CAMKMT: variants seen among roughly 807,000 people sequenced by gnomAD.
CAMKMT encodes CaM KMT.
CAMKMT carries 53 observed loss-of-function variants against 48.0 expected under a neutral mutation model. That is an observed-to-expected ratio of 1.10 (90% CI 0.89 to 1.39). The LOEUF (loss-of-function observed/expected upper bound fraction) is 1.39. Among genes scored for constraint, CAMKMT ranks in the 40% most tolerant of loss-of-function variants. The pLI is 0.00. For missense variants in CAMKMT, 428 were observed against 402.7 expected (o/e 1.06, Z -0.54); for synonymous variants, 165 against 152.3 (o/e 1.08, Z -0.61).
chr2:44,439,451 T>C (rs2104558371), intron 3 of CAMKMT, among the ~76,000 whole-genome samples: 1 of 152,234 alleles, frequency 6.6e-6, no homozygotes, highest in South Asian at 2.1e-4. Flanking sequence ...GCCACCCACC[T>C]CCTCTTTTGA....
chr2:44,603,746 A>G (rs1458376980), intron 3 of CAMKMT, among the ~76,000 whole-genome samples: 1 of 152,200 alleles, frequency 6.6e-6, no homozygotes, highest in Admixed American at 6.5e-5. Flanking sequence ...TTTAAAATGT[A>G]TTCCCCTGCC....
intron 3 of CAMKMT, among the ~76,000 whole-genome samples, chr2:44,490,919 G>A (rs696596): frequency 0.65 from 98,707 of 151,956 alleles, 32,529 homozygotes; most frequent in Admixed American, 0.7. Context: ...GGAGTCCGAG[G>A]TGGGTGAATC....
intron 3 of CAMKMT, chr2:44,550,792 C>A (rs1297118467): frequency 6.6e-6 from 1 of 152,152 alleles, no homozygotes; most frequent in Non-Finnish European, 1.5e-5. Context: ...TACATTGTAT[C>A]ATACATTGAT....
At chr2:44,407,464 G>C (rs1282308947) in intron 3 of CAMKMT, among the ~76,000 whole-genome samples, 1 of 152,182 alleles carries the variant, frequency 6.6e-6, no homozygotes, top group Non-Finnish European at 1.5e-5. Flanking sequence ...CTTGGCATGA[G>C]TGGGTTTTCT....
At chr2:44,649,126 G>A (rs1673916311) in intron 3 of CAMKMT, among the ~76,000 whole-genome samples, 1 of 152,052 alleles carries the variant, frequency 6.6e-6, no homozygotes, top group South Asian at 2.1e-4. Flanking sequence ...TTTAACTGGG[G>A]GTATATTGAA....
intron 3 of CAMKMT, among the ~76,000 whole-genome samples, chr2:44,545,663 C>G (rs1667355684): frequency 1.4e-5 from 2 of 142,120 alleles, no homozygotes; most frequent in East Asian, 2.0e-4. Context: ...ATCCGGTGTT[C>G]TAACTTCTAG....
At chr2:44,754,213 C>T in intron 9 of CAMKMT, 95 bp downstream of exon 9, 1 of 930,024 alleles carries the variant, frequency 1.1e-6, no homozygotes, top group Non-Finnish European at 1.7e-6. Context: ...GGATTAATGT[C>T]ATGTAATACT....
rs59281575 is a variant in CAMKMT, at chr2:44,708,211, A to ATTTTTTTTTTTTT, written c.556+762_556+774dup. On this transcript the variant is annotated intron_variant, in intron 6 of 10. Coordinates refer to ENST00000378494, the MANE Select transcript of CAMKMT (RefSeq NM_024766.5). The stretch of plus-strand genomic sequence containing the variant: ...AAAGTGGCAGATATGTTTGCTTTGG[A>ATTTTTTTTTTTTT]TTTTTTTTTTTTTTTTTTTTTTTTT... Among the ~76,000 whole-genome samples the ATTTTTTTTTTTTT allele has an allele frequency of 5.3e-4, 36 of 68,190 alleles. 3 individuals are homozygous for ATTTTTTTTTTTTT. The highest frequency in any genetic ancestry group is 7.2e-4 in the South Asian group (1 of 1,394). 44.7% of individuals were successfully genotyped at this position (68,190 alleles called of 152,430 possible).
chr2:44,754,571 G>C (rs1004101708), intron 9 of CAMKMT, among the ~76,000 whole-genome samples: 1 of 151,956 alleles, frequency 6.6e-6, no homozygotes, highest in African/African-American at 2.4e-5. Flanking sequence ...TAAAGAAAAA[G>C]GACTTCAGAT....
At chr2:44,576,119 G>C (rs1019510584) in intron 3 of CAMKMT, among the ~76,000 whole-genome samples, 3 of 152,038 alleles carry the variant, frequency 2.0e-5, no homozygotes, top group African/African-American at 7.3e-5. Flanking sequence ...CTGAGGTCAG[G>C]AGTTCGAGAC....
At chr2:44,501,239 A>C (rs1310115292) in intron 3 of CAMKMT, among the ~76,000 whole-genome samples, 1 of 151,940 alleles carries the variant, frequency 6.6e-6, no homozygotes, top group African/African-American at 2.4e-5. Flanking sequence ...TCTTCAATTC[A>C]AGACTAATTC....
chr2:44,643,662 T>G (rs952061343), intron 3 of CAMKMT, among the ~76,000 whole-genome samples: 4 of 152,132 alleles, frequency 2.6e-5, no homozygotes, highest in African/African-American at 9.7e-5. Flanking sequence ...TTGAAAAAAT[T>G]GTAGAAATAT....
chr2:44,434,072 C>G (rs892706069), intron 3 of CAMKMT, among the ~76,000 whole-genome samples: 12 of 152,158 alleles, frequency 7.9e-5, no homozygotes, highest in Non-Finnish European at 1.5e-4. Flanking sequence ...AATAGTCCTC[C>G]TTTGTGTCCA....
At chr2:44,713,280 C>A (rs1391753239) in intron 6 of CAMKMT, among the ~76,000 whole-genome samples, 1 of 152,090 alleles carries the variant, frequency 6.6e-6, no homozygotes, top group African/African-American at 2.4e-5. Flanking sequence ...ATATGTTTTG[C>A]TTGATAGATT....
At chr2:44,734,561 T>A (rs540064337) in intron 7 of CAMKMT, among the ~76,000 whole-genome samples, 1 of 152,140 alleles carries the variant, frequency 6.6e-6, no homozygotes, top group Non-Finnish European at 1.5e-5. Context: ...ACTACAGGCA[T>A]GCACCACCAT....
At chr2:44,606,732 A>G (rs1007859296) in intron 3 of CAMKMT, among the ~76,000 whole-genome samples, 2 of 152,142 alleles carry the variant, frequency 1.3e-5, no homozygotes, top group Non-Finnish European at 2.9e-5. Context: ...CTTTCAGAAT[A>G]TAAACAAAGT....
At chr2:44,646,817 A>G (rs112983488) in intron 3 of CAMKMT, among the ~76,000 whole-genome samples, 4 of 152,270 alleles carry the variant, frequency 2.6e-5, no homozygotes, top group African/African-American at 9.6e-5. Flanking sequence ...CCAGGAAGGT[A>G]TATTAGTGCT....
At chr2:44,715,724 C>T (rs565894605) in intron 7 of CAMKMT, among the ~76,000 whole-genome samples, 2 of 152,192 alleles carry the variant, frequency 1.3e-5, no homozygotes, top group Non-Finnish European at 2.9e-5. Context: ...TTTGGCATTC[C>T]CTGGAGATAT....
intron 2 of CAMKMT, among the ~76,000 whole-genome samples, chr2:44,387,875 T>G (rs1312686361): frequency 6.6e-6 from 1 of 152,196 alleles, no homozygotes; most frequent in Non-Finnish European, 1.5e-5. Context: ...CCTTCCGCAT[T>G]GTAGGGTTTC....
Sources: gnomAD v4.1 joint callset for allele counts (sites outside exome capture counted in the v4.1 genomes callset) on GRCh38, gnomAD v4.1.1 for gene constraint, MANE v1.5 for transcripts, NCBI Gene and HGNC (gene_info 2026-07-23, HGNC 2026-07-21) for gene names.